DNAAF1: variants seen among roughly 807,000 people sequenced by gnomAD.
The protein encoded by DNAAF1 is dynein assembly factor 1, axonemal.
A neutral mutation model predicts 71.1 loss-of-function variants in DNAAF1; 65 were observed. The observed-to-expected ratio is 0.91, with a 90% CI of 0.75 to 1.12. DNAAF1 has a LOEUF of 1.12. Ranked by LOEUF, DNAAF1 falls within the 50% of genes most tolerant of loss-of-function variation. DNAAF1 has a pLI of 0.00. For synonymous variants in DNAAF1, 414 were observed against 354.6 expected, an observed-to-expected ratio of 1.17 and a Z score of -1.88; for missense variants, 1,178 against 899.8, an observed-to-expected ratio of 1.31 and a Z score of -3.96.
chr16:84,167,738 G>A (rs1006548733), intron 7 of DNAAF1, among the ~76,000 whole-genome samples: 3 of 152,214 alleles, frequency 2.0e-5, no homozygotes, highest in African/African-American at 4.8e-5. Flanking sequence ...AAATCTGGCC[G>A]GGTGTGGTGG....
At position 84,169,868 on chromosome 16, in the gene DNAAF1, C is replaced by T; in HGVS notation, c.1040C>T (p.Thr347Ile). The T allele has an allele frequency of 6.2e-7, 1 of 1,613,822 alleles. No homozygotes were observed. Among genetic ancestry groups the T allele is most frequent in the Non-Finnish European group, 8.5e-7 (1 of 1,180,052 alleles). The change falls in exon 8 of 12, where the codon ACA (threonine) becomes ATA (isoleucine). Residue 347 changes from threonine to isoleucine, a missense_variant. By Grantham distance (89) the Thr-to-Ile change is moderately conservative (BLOSUM62 -1). Coordinates refer to ENST00000378553, the MANE Select transcript of DNAAF1 (RefSeq NM_178452.6). ...CATTTTCTGCCATTAGGGGAGATGA[C>T]ATCTTCAGATGATGGTGAGAATGTG... ...QRESQERGEM[T>I]SSDDGENVPA... is the part of the protein sequence containing the mutation.
intron 1 of DNAAF1, 85 bp from the exon 2 acceptor site, chr16:84,148,922 G>A: frequency 1.3e-6 from 2 of 1,481,560 alleles, no homozygotes; most frequent in Non-Finnish European, 1.9e-6. Context: ...TACTAAAAGT[G>A]GATGGTCATT....
intron 6 of DNAAF1, among the ~76,000 whole-genome samples, chr16:84,163,772 C>G (rs147764797): frequency 6.6e-6 from 1 of 151,936 alleles, no homozygotes; most frequent in Non-Finnish European, 1.5e-5. Context: ...ATGTTGAGCA[C>G]GTTTCATGTA....
chr16:84,166,919 G>A (rs192658085), intron 7 of DNAAF1, among the ~76,000 whole-genome samples: 3 of 152,342 alleles, frequency 2.0e-5, no homozygotes, highest in Admixed American at 2.0e-4. Flanking sequence ...GTCACGCAAT[G>A]TGCAGGGTGT....
intron 8 of DNAAF1, 131 bp from the exon 9 acceptor site, chr16:84,172,129 G>T: frequency 1.2e-6 from 1 of 815,700 alleles, no homozygotes; most frequent in Non-Finnish European, 2.1e-6. Context: ...CGCCCACCTT[G>T]GCCCCCCAAA....
chr16:84,147,933 T>G (rs2086991017), intron 1 of DNAAF1, among the ~76,000 whole-genome samples: 1 of 152,004 alleles, frequency 6.6e-6, no homozygotes, highest in African/African-American at 2.4e-5. Flanking sequence ...CTAGGCATGG[T>G]GACAGGCGCT....
chr16:84,155,463 CGAAA>C (rs1355600076), intron 4 of DNAAF1, 116 bp from the exon 5 acceptor site: 3 of 1,174,554 alleles, frequency 2.6e-6, no homozygotes, highest in Non-Finnish European at 3.8e-6. Context: ...CTCCTGGGCT[CGAAA>C]GATTCTCCCG....
intron 9 of DNAAF1, chr16:84,174,378 C>T (rs1246095505): frequency 3.1e-6 from 4 of 1,308,652 alleles, no homozygotes; most frequent in Admixed American, 6.6e-5. Context: ...CCAAGATGAA[C>T]TGGCTGTGTC....
chr16:84,148,596 C>CTCTTTTTTTTTTTTTTTTTTTTTTTTTTT lies in DNAAF1; in HGVS notation c.125-410_125-409insCTTTTTTTTTTTTTTTTTTTTTTTTTTTT. Among the ~76,000 whole-genome samples, 18 of 43,572 alleles carry CTCTTTTTTTTTTTTTTTTTTTTTTTTTTT rather than the reference C, an allele frequency of 4.1e-4. 1 individual carries two copies. Among genetic ancestry groups the CTCTTTTTTTTTTTTTTTTTTTTTTTTTTT allele is most frequent in the Non-Finnish European group, 5.4e-4 (13 of 24,092 alleles). 28.6% of individuals were successfully genotyped at this position (43,572 alleles called of 152,430 possible). A position where few individuals can be genotyped will look rare whatever the true frequency, so the allele number is the denominator to read the frequency against. On this transcript the variant is annotated intron_variant, in intron 1 of 11. Coordinates refer to ENST00000378553, the MANE Select transcript of DNAAF1 (RefSeq NM_178452.6). ...AAAGATTACTGTTCTCTCTCTCTCTCTTTTTTTTTTTTTTTTTTGGTGAGA... is the reference window on the plus strand; with the variant it reads ...AAAGATTACTGTTCTCTCTCTCTCTCTCTTTTTTTTTTTTTTTTTTTTTTTTTTTTTTTTTTTTTTTTTTTTTGGTGAGA...
intron 9 of DNAAF1, chr16:84,174,303 T>C: frequency 8.7e-7 from 1 of 1,148,332 alleles, no homozygotes; most frequent in Non-Finnish European, 1.1e-6. Context: ...ATTACTTTTA[T>C]ACCACATAGA....
rs559054028 is a variant in DNAAF1 at position 84,176,495 on chromosome 16, G to C, written c.2065+196G>C. On this transcript the variant is annotated intron_variant, in intron 11 of 11. Coordinates refer to ENST00000378553, the MANE Select transcript of DNAAF1 (RefSeq NM_178452.6). Reference sequence around the variant, plus strand: ...TGAAGCTGCCACTTGCTGGTAGCCAGCCTGGGCCAGGAAGCCACCGAGCCA... The same window carrying C: ...TGAAGCTGCCACTTGCTGGTAGCCACCCTGGGCCAGGAAGCCACCGAGCCA... 1.4e-5 allele frequency: 12 copies of C among 850,344 alleles called. No individual in the cohort carries two copies. In the African/African-American group the frequency reaches 2.0e-4, roughly 14 times the overall value. The allele number at this position is 850,344 out of a possible 1,614,324, so 52.7% of individuals were successfully genotyped here.
rs763593374 is a variant in DNAAF1, at chr16:84,165,961, G to A, written c.1030+12G>A. 1.2e-6 allele frequency: 2 copies of A among 1,611,864 alleles called. No homozygotes were observed. The highest frequency in any genetic ancestry group is 1.3e-5 in the African/African-American group (1 of 74,234). ...GAGTCAAGAGAGAGGTATGCGCTCG[G>A]CCGAAGACAACAGCCCCAGAGTTCC... On this transcript the variant is annotated intron_variant, in intron 7 of 11. Transcript: ENST00000378553.
intron 6 of DNAAF1, chr16:84,162,293 C>T (rs1357783174): frequency 1.3e-5 from 2 of 152,082 alleles, no homozygotes; most frequent in African/African-American, 4.8e-5. Context: ...ACATACCATA[C>T]AGTTTACGTA....
chr16:84,175,845 G>T, intron 10 of DNAAF1, 88 bp from the exon 11 acceptor site: 1 of 1,494,044 alleles, frequency 6.7e-7, no homozygotes, highest in East Asian at 2.3e-5. Flanking sequence ...TGTGACATTG[G>T]GTGAAAAAGC....
At position 84,176,053 on chromosome 16, in the gene DNAAF1, T is replaced by G; in HGVS notation, c.1819T>G (p.Phe607Val). The G allele has an allele frequency of 6.2e-7, 1 of 1,614,048 alleles. No homozygotes were observed. Among genetic ancestry groups the G allele is most frequent in the Non-Finnish European group, 8.5e-7 (1 of 1,180,006 alleles). Residue 607 changes from phenylalanine (F) to valine (V), a missense_variant, in exon 11 of 12, where the codon TTT (phenylalanine) becomes GTT (valine). Transcript: ENST00000378553. ...NLPTDTLSNI[F>V]AVSKDTSKAA... ...CCCCACAGACACTCTGTCAAATATATTTGCAGTCTCTAAAGACACCTCAAA... is the reference window on the plus strand; with the variant it reads ...CCCCACAGACACTCTGTCAAATATAGTTGCAGTCTCTAAAGACACCTCAAA...
chr16:84,170,229 C>A lies in DNAAF1; in HGVS notation c.1401C>A (p.Thr467=), dbSNP rs758659103. The change falls in exon 8 of 12, where the codon ACC becomes ACA. Residue 467 remains threonine (T), a synonymous_variant. Transcript: ENST00000378553. ...ATGGAGATCAAGAGCCAGAGGGGACCCTCCCAGCTGAGACCCTGCTACTGT... is the reference window on the plus strand; with the variant it reads ...ATGGAGATCAAGAGCCAGAGGGGACACTCCCAGCTGAGACCCTGCTACTGT... ...GEDGDQEPEG[T]LPAETLLLSP... 8.1e-6 allele frequency: 13 copies of A among 1,609,736 alleles called. No individual in the cohort carries two copies. The African/African-American group carries it at 1.6e-4, about 20-fold the overall frequency.
chr16:84,162,860 A>AC (rs1166322782), intron 6 of DNAAF1, among the ~76,000 whole-genome samples: 1 of 151,244 alleles, frequency 6.6e-6, no homozygotes, highest in Non-Finnish European at 1.5e-5. Context: ...TTAGCAGCCA[A>AC]CCCCCTATTT....
chr16:84,156,175 C>T (rs1419976046), intron 5 of DNAAF1, among the ~76,000 whole-genome samples: 1 of 152,122 alleles, frequency 6.6e-6, no homozygotes, highest in Non-Finnish European at 1.5e-5. Flanking sequence ...GTTGTCCAGG[C>T]TGGTCTTGAA....
Position 84,145,374 on chromosome 16 carries a change from G to A in DNAAF1, c.-67G>A. ...GGTACTCTCTGGCTGGGCTGGGGCC[G>A]TAGCGACGTCCGCCGCGAACCTGGG... On this transcript the variant is annotated 5_prime_UTR_variant, in exon 1 of 12. Coordinates refer to ENST00000378553, the MANE Select transcript of DNAAF1 (RefSeq NM_178452.6). 3 of 1,549,732 alleles carry A rather than the reference G, an allele frequency of 1.9e-6. No homozygotes were observed. The highest frequency in any genetic ancestry group is 2.0e-5 in the Admixed American group (1 of 51,110).
Sources: allele counts gnomAD v4.1 joint callset (sites outside exome capture counted in the v4.1 genomes callset), GRCh38; gene constraint gnomAD v4.1.1; transcripts MANE v1.5; gene names NCBI Gene and HGNC (gene_info 2026-07-23, HGNC 2026-07-21).